The following SRGAP2C variants were observed in gnomAD, a reference collection of about 807,000 sequenced individuals.
SRGAP2C encodes SLIT-ROBO Rho GTPase-activating protein 2C.
Under a neutral mutation model 25.1 loss-of-function variants are expected in SRGAP2C, and 15 were observed. The observed-to-expected ratio is 0.60, with a 90% CI of 0.40 to 0.92. The LOEUF (loss-of-function observed/expected upper bound fraction) is 0.92, where lower values mean the gene tolerates loss of function less well. Ranked by LOEUF, SRGAP2C falls within the 40% of genes least tolerant of loss-of-function variation. SRGAP2C has a pLI of 0.00. For missense variants in SRGAP2C, 144 were observed against 264.4 expected, an observed-to-expected ratio of 0.54 and a Z score of 3.16; for synonymous variants, 44 against 96.6, an observed-to-expected ratio of 0.46 and a Z score of 3.19.
chr1:121,211,458 C>CACACACACACACACACACAT (rs1553323708), intron 2 of SRGAP2C, among the ~76,000 whole-genome samples: 1 of 139,394 alleles, frequency 7.2e-6, no homozygotes, highest in African/African-American at 2.6e-5. Flanking sequence ...CACACACACA[C>CACACACACACACACACACAT]ACATCTTACC....
intron 4 of SRGAP2C, among the ~76,000 whole-genome samples, chr1:121,329,259 C>G (rs1162492866): frequency 6.6e-6 from 1 of 152,140 alleles, no homozygotes; most frequent in African/African-American, 2.4e-5. Context: ...ATGAAGCTAA[C>G]GTTTAACTCC....
At chr1:121,191,101 A>C (rs1325879880) in intron 2 of SRGAP2C, among the ~76,000 whole-genome samples, 3 of 152,094 alleles carry the variant, frequency 2.0e-5, no homozygotes, top group Non-Finnish European at 2.9e-5. Flanking sequence ...GTCTGACTTG[A>C]AAGCAATAAT....
At position 121,267,380 on chromosome 1, in the gene SRGAP2C, T is replaced by A. The variant is rs587640030; in HGVS notation, c.68-17423T>A. Among the ~76,000 whole-genome samples the A allele has an allele frequency of 6.5e-3, 977 of 151,064 alleles. 19 individuals are homozygous for A. Among genetic ancestry groups the A allele is most frequent in the Non-Finnish European group, 9.8e-3 (660 of 67,686 alleles). ...CTACTTTTTGTATTTTTAGTAGAGA[T>A]GGGGTTCTGCCATGTTGGCCAGGCT... On this transcript the variant is annotated intron_variant, in intron 2 of 9. Coordinates refer to ENST00000367123, the MANE Select transcript of SRGAP2C (RefSeq NM_001329984.2).
At chr1:121,191,569 C>G (rs1375176165) in intron 2 of SRGAP2C, among the ~76,000 whole-genome samples, 1 of 147,306 alleles carries the variant, frequency 6.8e-6, no homozygotes, top group Admixed American at 6.8e-5. Context: ...TAAACTGAAG[C>G]CTTTGGCCTC....
chr1:121,212,356 A>G (rs1398960493), intron 2 of SRGAP2C, among the ~76,000 whole-genome samples: 1 of 151,678 alleles, frequency 6.6e-6, no homozygotes, highest in Non-Finnish European at 1.5e-5. Context: ...GGTCTCAAAC[A>G]CTTGACCTCG....
intron 3 of SRGAP2C, among the ~76,000 whole-genome samples, chr1:121,292,920 T>A: frequency 1.3e-5 from 1 of 78,296 alleles, no homozygotes; most frequent in South Asian, 3.2e-4. Flanking sequence ...GCATCTGCCA[T>A]GGTGTATGAA....
At chr1:121,315,308 T>G (rs1658072505) in intron 3 of SRGAP2C, among the ~76,000 whole-genome samples, 1 of 151,492 alleles carries the variant, frequency 6.6e-6, no homozygotes, top group East Asian at 2.0e-4. Flanking sequence ...CATACCTGGC[T>G]TCCATTTACT....
chr1:121,236,118 G>T (rs1442155593), intron 2 of SRGAP2C, among the ~76,000 whole-genome samples: 1 of 147,398 alleles, frequency 6.8e-6, no homozygotes, highest in Non-Finnish European at 1.5e-5. Flanking sequence ...ACCATACATG[G>T]AGTCAGCCAT....
intron 6 of SRGAP2C, 117 bp from the exon 7 acceptor site, chr1:121,374,709 T>C: frequency 4.8e-6 from 3 of 622,222 alleles, no homozygotes; most frequent in Middle Eastern, 8.4e-4. Context: ...TTAAGGCAGA[T>C]GCGCATAGGG....
intron 2 of SRGAP2C, among the ~76,000 whole-genome samples, chr1:121,230,966 A>G (rs1192344627): frequency 7.3e-6 from 1 of 136,788 alleles, no homozygotes; most frequent in Non-Finnish European, 1.6e-5. Context: ...GTTCTCACTC[A>G]TAAGTGGGAG....
At chr1:121,236,175 C>G (rs1655953399) in intron 2 of SRGAP2C, among the ~76,000 whole-genome samples, 1 of 151,468 alleles carries the variant, frequency 6.6e-6, no homozygotes, top group Admixed American at 6.6e-5. Flanking sequence ...ACAGTTTGGG[C>G]TCTAGGACTG....
intron 2 of SRGAP2C, among the ~76,000 whole-genome samples, chr1:121,267,586 TAA>T (rs1553334566): frequency 7.6e-6 from 1 of 131,504 alleles, no homozygotes; most frequent in Non-Finnish European, 1.6e-5. Context: ...TAGTGGGGAG[TAA>T]AATTTAGGAA....
chr1:121,340,314 G>A (rs1658622636), intron 4 of SRGAP2C, among the ~76,000 whole-genome samples: 1 of 151,796 alleles, frequency 6.6e-6, no homozygotes. Flanking sequence ...GGTCTTTCTG[G>A]ACCTTTAAGT....
intron 3 of SRGAP2C, among the ~76,000 whole-genome samples, chr1:121,314,308 A>T (rs1658041910): frequency 6.7e-6 from 1 of 148,668 alleles, no homozygotes; most frequent in East Asian, 2.0e-4. Context: ...TGTATTGGTT[A>T]TTCTAGTTAT....
chr1:121,239,282 C>CTATA (rs1172267467), intron 2 of SRGAP2C, among the ~76,000 whole-genome samples: 37 of 1,724 alleles, frequency 0.021, 11 homozygotes, highest in African/African-American at 0.15. Flanking sequence ...TATATATATA[C>CTATA]TATATATATA....
chr1:121,384,813 A>G (rs1361026083), intron 8 of SRGAP2C, among the ~76,000 whole-genome samples: 1 of 152,096 alleles, frequency 6.6e-6, no homozygotes, highest in East Asian at 1.9e-4. Context: ...GTAGCGGACC[A>G]CTGTCAAAGC....
At chr1:121,287,909 G>T (rs1376461668) in intron 3 of SRGAP2C, among the ~76,000 whole-genome samples, 1 of 151,948 alleles carries the variant, frequency 6.6e-6, no homozygotes, top group Non-Finnish European at 1.5e-5. Flanking sequence ...GTCTCGCTGG[G>T]CTCAGGAGTG....
intron 2 of SRGAP2C, among the ~76,000 whole-genome samples, chr1:121,223,021 C>A (rs1558085511): frequency 6.6e-6 from 1 of 151,904 alleles, no homozygotes; most frequent in African/African-American, 2.4e-5. Context: ...AAATGTACAG[C>A]TAAATTGATG....
At chr1:121,221,696 G>A (rs1655524901) in intron 2 of SRGAP2C, among the ~76,000 whole-genome samples, 1 of 50,134 alleles carries the variant, frequency 2.0e-5, no homozygotes, top group Non-Finnish European at 3.7e-5. Flanking sequence ...GGGCAACAGA[G>A]TGAGACAACG....
Sources: allele counts gnomAD v4.1 joint callset (sites outside exome capture counted in the v4.1 genomes callset), GRCh38; gene constraint gnomAD v4.1.1; transcripts MANE v1.5; gene names NCBI Gene and HGNC (gene_info 2026-07-23, HGNC 2026-07-21).